The following TTC7A variants were observed in gnomAD, a reference collection of about 807,000 sequenced individuals.
The protein encoded by TTC7A is tetratricopeptide repeat protein 7A.
In TTC7A, 110 loss-of-function variants were observed where a neutral mutation model predicts 103.7. That is an observed-to-expected ratio of 1.06 (90% CI 0.91 to 1.24). The LOEUF (loss-of-function observed/expected upper bound fraction) is 1.24, where lower values mean the gene tolerates loss of function less well. Ranked by LOEUF, TTC7A falls within the 50% of genes most tolerant of loss-of-function variation. The probability of loss-of-function intolerance (pLI) is 0.00; values close to 1 mark genes in which losing one functional copy is unlikely to be tolerated. For synonymous variants in TTC7A, 521 were observed against 467.9 expected, an observed-to-expected ratio of 1.11 and a Z score of -1.47; for missense variants, 1,340 against 1,116.3, an observed-to-expected ratio of 1.20 and a Z score of -2.86.
Position 46,920,883 on chromosome 2 carries a change from C to T in TTC7A, c.82+3606C>T, listed in dbSNP as rs541410785. Among the ~76,000 whole-genome samples, 14 of 151,284 alleles carry T rather than the reference C, an allele frequency of 9.3e-5. No individual in the cohort carries two copies. The South Asian group carries it at 1.7e-3, about 18-fold the overall frequency. On this transcript the variant is annotated intron_variant, in intron 2 of 20. Coordinates refer to the TTC7A transcript ENST00000409245. ...ACAAAACTTCAGAGTTATTTTCCTT[C>T]GGTACTTAAAGAAATAAATATATGA...
chr2:47,057,910 T>C (rs1683449038), intron 18 of TTC7A, among the ~76,000 whole-genome samples: 1 of 152,204 alleles, frequency 6.6e-6, no homozygotes. Context: ...TGTCCTGGTC[T>C]CTGAAGTGGT....
chr2:46,946,879 A>G (rs780323095), intron 1 of TTC7A, among the ~76,000 whole-genome samples: 13 of 152,214 alleles, frequency 8.5e-5, no homozygotes, highest in African/African-American at 2.2e-4. Context: ...GGAGGAAAAG[A>G]AAGTGAATTT....
intron 11 of TTC7A, among the ~76,000 whole-genome samples, chr2:47,017,166 C>T (rs1325920276): frequency 7.2e-6 from 1 of 139,710 alleles, no homozygotes; most frequent in Non-Finnish European, 1.5e-5. Context: ...TGCCACTGCA[C>T]TCCAGCCTGG....
intron 4 of TTC7A, among the ~76,000 whole-genome samples, chr2:46,977,819 T>C (rs1462573905): frequency 6.6e-6 from 1 of 152,178 alleles, no homozygotes; most frequent in African/African-American, 2.4e-5. Flanking sequence ...GCGATTCTCT[T>C]GCCTCGGCCT....
At chr2:46,979,728 G>A (rs779301237) in intron 5 of TTC7A, among the ~76,000 whole-genome samples, 1 of 152,154 alleles carries the variant, frequency 6.6e-6, no homozygotes, top group East Asian at 1.9e-4. Context: ...CAACTGGTCC[G>A]GTCTGCTGGC....
rs997844606 is a variant in TTC7A, at chr2:46,941,364, G to GTGCTGC, written c.-162_-157dup. The GTGCTGC allele has an allele frequency of 6.5e-5, 25 of 384,046 alleles. 1 individual carries two copies. The highest frequency in any genetic ancestry group is 1.1e-4 in the South Asian group (1 of 9,214). The allele number at this position is 384,046 out of a possible 1,614,324, so 23.8% of individuals were successfully genotyped here. ...CCGGGCGGTGCGCTGGGAGCTGCTGGTGCTGCTGCTGCTGCTGCTGCCCAC... is the reference window on the plus strand; with the variant it reads ...CCGGGCGGTGCGCTGGGAGCTGCTGGTGCTGCTGCTGCTGCTGCTGCTGCTGCCCAC... On this transcript the variant is annotated 5_prime_UTR_variant, in exon 1 of 20. Coordinates refer to ENST00000319190, the MANE Select transcript of TTC7A (RefSeq NM_020458.4). This position sits in a 1 kb window ranked among gnomAD's most constrained non-coding sequence, Gnocchi z 4.2.
At chr2:46,958,423 C>T (rs1672077908) in intron 3 of TTC7A, 1 of 1,225,218 alleles carries the variant, frequency 8.2e-7, no homozygotes, top group Non-Finnish European at 1.1e-6. Flanking sequence ...CTCGGGCTTC[C>T]TTTCCGGGAC....
At chr2:46,980,046 G>A (rs1674283049) in intron 5 of TTC7A, among the ~76,000 whole-genome samples, 2 of 152,200 alleles carry the variant, frequency 1.3e-5, no homozygotes, top group South Asian at 4.1e-4. Context: ...GTCACTGACT[G>A]CCTGGAGTTC....
chr2:46,986,795 C>T (rs1675061039), intron 5 of TTC7A, among the ~76,000 whole-genome samples: 1 of 152,164 alleles, frequency 6.6e-6, no homozygotes, highest in South Asian at 2.1e-4. Context: ...CCGGCTCGTC[C>T]CTCCCATTGA....
Position 47,046,321 on chromosome 2 carries a change from G to C in TTC7A, c.1809G>C (p.Met603Ile). 1 of 1,613,618 alleles carries C rather than the reference G, an allele frequency of 6.2e-7. No homozygotes were observed. The change falls in exon 16 of 20, where the codon ATG becomes ATC. Residue 603 changes from methionine (M) to isoleucine (I), a missense_variant. Coordinates refer to ENST00000319190, the MANE Select transcript of TTC7A (RefSeq NM_020458.4). ...CCACTCTCCGTCCCCACAGCCTGAT[G>C]TTCACCAAGGTGAAGCTGGAGCAGG... ...ITEHPENFNL[M>I]FTKVKLEQVL...
chr2:47,002,700 G>C (rs17540621), intron 8 of TTC7A, among the ~76,000 whole-genome samples: 6,048 of 152,162 alleles, frequency 0.04, 153 homozygotes, highest in Middle Eastern at 0.071. Context: ...TTCTGCTGTG[G>C]CTTACCCACC....
intron 3 of TTC7A, among the ~76,000 whole-genome samples, chr2:46,963,680 C>A (rs1281526507): frequency 6.6e-6 from 1 of 152,218 alleles, no homozygotes; most frequent in Non-Finnish European, 1.5e-5. Context: ...ATATTTATGG[C>A]CCCTTGTACT....
intron 3 of TTC7A, among the ~76,000 whole-genome samples, chr2:46,972,537 C>G (rs1005940346): frequency 2.6e-5 from 4 of 152,186 alleles, no homozygotes; most frequent in South Asian, 2.1e-4. Context: ...GTGGAAAGAG[C>G]GACAATTCTA....
At chr2:46,994,589 C>T (rs999957596) in intron 7 of TTC7A, 75 bp downstream of exon 7, 2 of 1,474,262 alleles carry the variant, frequency 1.4e-6, no homozygotes, top group Non-Finnish European at 1.9e-6. Flanking sequence ...TGGTGGCTTC[C>T]TCTTTGCCCC....
At chr2:46,991,995 T>G (rs1343533911) in intron 5 of TTC7A, among the ~76,000 whole-genome samples, 1 of 152,234 alleles carries the variant, frequency 6.6e-6, no homozygotes, top group African/African-American at 2.4e-5. Flanking sequence ...CTTTCATGGC[T>G]CCCAGGCCCC....
intron 8 of TTC7A, chr2:46,999,683 G>A (rs1676593612): frequency 4.1e-6 from 4 of 985,428 alleles, no homozygotes; most frequent in Non-Finnish European, 3.6e-6. Context: ...TGAAAGAACC[G>A]TGTATCAAAC....
Position 46,941,722 on chromosome 2 carries a change from A to T in TTC7A, c.181A>T (p.Thr61Ser), listed in dbSNP as rs1029573889. The T allele has an allele frequency of 1.3e-6, 2 of 1,549,756 alleles. No individual in the cohort carries two copies. Among genetic ancestry groups the T allele is most frequent in the East Asian group, 2.4e-5 (1 of 40,974 alleles). The stretch of plus-strand genomic sequence containing the variant: ...GAGCGCAGCGTTCACCTTTCCGGAC[A>T]CCGGTGAGTAAGGGAAGAGGCTGGC... ...SPSAAFTFPD[T>S]DDFGKLLLAE... The change falls in exon 1 of 20, where the codon ACC becomes TCC. Residue 61 changes from threonine to serine, a missense_variant. Thr to Ser is a moderately conservative substitution (Grantham distance 58). Coordinates refer to ENST00000319190, the MANE Select transcript of TTC7A (RefSeq NM_020458.4). This position sits in a 1 kb window ranked among gnomAD's most constrained non-coding sequence, Gnocchi z 4.2.
At chr2:47,036,889 G>A (rs978237527) in intron 15 of TTC7A, among the ~76,000 whole-genome samples, 8 of 152,210 alleles carry the variant, frequency 5.3e-5, no homozygotes, top group Non-Finnish European at 8.8e-5. Flanking sequence ...TTTAACATGG[G>A]TGAGAGACCA....
In TTC7A at chr2:46,987,968, A is replaced by T. The variant is rs187546390; in HGVS notation, c.765-5482A>T. On this transcript the variant is annotated intron_variant, in intron 5 of 19. Transcript: ENST00000319190. ...TCCATCAGTAATTTTGCCTTGTTCT[A>T]GTAGCCACCTGGTATCTGCAGGGCT... Among the ~76,000 whole-genome samples, 173 of 152,270 alleles carry T rather than the reference A, an allele frequency of 1.1e-3. 2 individuals are homozygous for T. The highest frequency in any genetic ancestry group is 2.0e-3 in the Non-Finnish European group (137 of 68,020).
Sources: gnomAD v4.1 joint callset for allele counts (sites outside exome capture counted in the v4.1 genomes callset) on GRCh38, gnomAD v4.1.1 for gene constraint, Gnocchi (gnomAD v3.1) non-coding constraint, MANE v1.5 for transcripts, NCBI Gene and HGNC (gene_info 2026-07-23, HGNC 2026-07-21) for gene names.